CCDC141: variants seen among roughly 807,000 people sequenced by gnomAD.
CCDC141 encodes coiled-coil domain containing 141.
A neutral mutation model predicts 181.0 loss-of-function variants in CCDC141; 168 were observed. The observed-to-expected ratio is 0.93, with a 90% CI of 0.82 to 1.05. The LOEUF (loss-of-function observed/expected upper bound fraction) is 1.05. Ranked by LOEUF, CCDC141 falls within the 50% of genes least tolerant of loss-of-function variation. The pLI is 0.00. For synonymous variants in CCDC141, 666 were observed against 642.3 expected, an observed-to-expected ratio of 1.04 and a Z score of -0.56; for missense variants, 1,902 against 1,788.5, an observed-to-expected ratio of 1.06 and a Z score of -1.14.
chr2:178,819,228 G>A, the CCDC141 span, among the ~76,000 whole-genome samples: 1 of 152,120 alleles, frequency 6.6e-6, no homozygotes, highest in Admixed American at 6.6e-5. Context: ...TTTTTTTGCT[G>A]TCAAATTCCA....
chr2:179,015,497 C>A (rs62647559), intron 2 of CCDC141, among the ~76,000 whole-genome samples: 4 of 40,088 alleles, frequency 1.0e-4, no homozygotes, highest in East Asian at 9.3e-4. Context: ...CATATATGTG[C>A]CATATATATC....
At chr2:178,827,778 G>T (rs58025762), downstream of CCDC141, among the ~76,000 whole-genome samples, 3,012 of 152,238 alleles carry the variant, frequency 0.02, 70 homozygotes, top group East Asian at 0.11. Flanking sequence ...CATTGTAGTA[G>T]CTTCCTAGGG....
rs767727350 is a variant in CCDC141 at position 179,047,388 on chromosome 2, G to A, written c.121C>T (p.Leu41Phe). 20 of 1,520,010 alleles carry A rather than the reference G, an allele frequency of 1.3e-5. No individual in the cohort carries two copies. The African/African-American group carries it at 2.0e-4, about 15-fold the overall frequency. 94.2% of individuals were successfully genotyped at this position (1,520,010 alleles called of 1,614,324 possible). ...AVIKCGKWVQ[L>F]QLAESQPNLL... ...TTGGGCTGTGATTCAGCCAGTTGAA[G>A]TTGTACCCATTTGCCACACTAAAAA... Residue 41 changes from leucine (L) to phenylalanine (F), a missense_variant, in exon 2 of 24, where the codon CTT becomes TTT. Transcript: ENST00000443758.
intron 15 of CCDC141, among the ~76,000 whole-genome samples, chr2:178,868,487 C>T (rs1281722640): frequency 1.3e-5 from 2 of 150,942 alleles, no homozygotes; most frequent in African/African-American, 4.9e-5. Context: ...AATTTAGAGG[C>T]TATTTTAAAG....
At chr2:178,894,039 C>G (rs1325260236) in intron 8 of CCDC141, among the ~76,000 whole-genome samples, 17 of 152,066 alleles carry the variant, frequency 1.1e-4, no homozygotes. Flanking sequence ...AAATCAGTAG[C>G]AGAGCTGAAA....
At position 178,829,764 on chromosome 2, in the gene CCDC141, A is replaced by G. The variant is rs1284868378; in HGVS notation, c.*4409T>C. ...TGACACAATATCAGAGCATACTGGA[A>G]GGAGATATTTTATTTTGTTTCAACT... On this transcript the variant is annotated 3_prime_UTR_variant, in exon 24 of 24. Coordinates refer to ENST00000443758, the MANE Select transcript of CCDC141 (RefSeq NM_173648.4). 1.3e-5 allele frequency: 2 copies of G among 152,264 alleles called. No homozygotes were observed. Among genetic ancestry groups the G allele is most frequent in the Admixed American group, 6.5e-5 (1 of 15,282 alleles). 9.4% of individuals were successfully genotyped at this position (152,264 alleles called of 1,614,324 possible). A position where few individuals can be genotyped will look rare whatever the true frequency, so the allele number is the denominator to read the frequency against.
chr2:178,915,684 C>G (rs185327025), intron 7 of CCDC141: 80 of 152,300 alleles, frequency 5.3e-4, no homozygotes, highest in African/African-American at 1.8e-3. Flanking sequence ...CTTCATGGAT[C>G]TCTGGTGCTC....
At chr2:179,045,021 A>G (rs1357364403) in intron 2 of CCDC141, among the ~76,000 whole-genome samples, 1 of 123,164 alleles carries the variant, frequency 8.1e-6, no homozygotes, top group Non-Finnish European at 1.8e-5. Flanking sequence ...TTTCTTTTTT[A>G]TTATTTTACT....
intron 2 of CCDC141, among the ~76,000 whole-genome samples, chr2:179,005,761 C>A (rs7584312): frequency 6.6e-6 from 1 of 152,146 alleles, no homozygotes; most frequent in Non-Finnish European, 1.5e-5. Context: ...AGGCATGTGC[C>A]ACCAAGCCTG....
intron 4 of CCDC141, among the ~76,000 whole-genome samples, chr2:178,969,285 C>T (rs1028596687): frequency 6.6e-6 from 1 of 152,004 alleles, no homozygotes; most frequent in Admixed American, 6.6e-5. Flanking sequence ...CAAAGCCTGG[C>T]AGAGACACAA....
chr2:178,825,952 T>G (rs542653075), downstream of CCDC141, among the ~76,000 whole-genome samples: 4 of 152,326 alleles, frequency 2.6e-5, no homozygotes, highest in African/African-American at 9.6e-5. Flanking sequence ...TTTTAAAATC[T>G]TAGTAACTTT....
In CCDC141 at chr2:178,886,721, T is replaced by C. The variant is rs1283819960; in HGVS notation, c.1527+31A>G. The C allele has an allele frequency of 7.9e-5, 102 of 1,291,478 alleles. 1 individual carries two copies. The highest frequency in any genetic ancestry group is 9.9e-5 in the Non-Finnish European group (94 of 947,252). 80.0% of individuals were successfully genotyped at this position (1,291,478 alleles called of 1,614,324 possible). A position where few individuals can be genotyped will look rare whatever the true frequency, so the allele number is the denominator to read the frequency against. On this transcript the variant is annotated intron_variant, in intron 10 of 23. Coordinates refer to ENST00000443758, the MANE Select transcript of CCDC141 (RefSeq NM_173648.4). ...TTTTAAAATTATCTTTACAAAATTA[T>C]AGCCATAATAATCATTCTCATTTTA...
At chr2:178,818,369 T>C in the CCDC141 span, among the ~76,000 whole-genome samples, 1 of 152,168 alleles carries the variant, frequency 6.6e-6, no homozygotes, top group Admixed American at 6.5e-5. Flanking sequence ...GCTGCACCTA[T>C]TAACCCATCA....
At chr2:178,901,512 A>G (rs931573683) in intron 8 of CCDC141, among the ~76,000 whole-genome samples, 9 of 152,228 alleles carry the variant, frequency 5.9e-5, no homozygotes, top group African/African-American at 1.9e-4. Context: ...AAAGCACATG[A>G]TAATCTCAAT....
intron 2 of CCDC141, among the ~76,000 whole-genome samples, chr2:178,985,003 T>G (rs58609501): frequency 1.3e-5 from 2 of 148,454 alleles, no homozygotes; most frequent in South Asian, 2.1e-4. Flanking sequence ...CCCAAATCAA[T>G]AGAATATACA....
intron 8 of CCDC141, among the ~76,000 whole-genome samples, chr2:178,903,783 A>G (rs1687825716): frequency 6.6e-6 from 1 of 152,036 alleles, no homozygotes; most frequent in Admixed American, 6.6e-5. Flanking sequence ...ATTAAAAAAA[A>G]AAAGAAAGGA....
chr2:178,942,777 AT>A, intron 6 of CCDC141, among the ~76,000 whole-genome samples: 1 of 152,270 alleles, frequency 6.6e-6, no homozygotes, highest in South Asian at 2.1e-4. Context: ...TATATGGGAA[AT>A]CTTTATGCCT....
chr2:179,006,883 C>T (rs1044545173), intron 2 of CCDC141, among the ~76,000 whole-genome samples: 2 of 151,854 alleles, frequency 1.3e-5, no homozygotes, highest in African/African-American at 4.8e-5. Flanking sequence ...TTCTTTTTGC[C>T]AATAGAATAA....
chr2:178,851,890 T>C (rs760713545), intron 20 of CCDC141, among the ~76,000 whole-genome samples: 1 of 152,224 alleles, frequency 6.6e-6, no homozygotes, highest in African/African-American at 2.4e-5. Context: ...ATGAAAATTC[T>C]GAGTTCAGTA....
Sources: allele counts gnomAD v4.1 joint callset (sites outside exome capture counted in the v4.1 genomes callset), GRCh38; gene constraint gnomAD v4.1.1; transcripts MANE v1.5; gene names NCBI Gene and HGNC (gene_info 2026-07-23, HGNC 2026-07-21).